Variants in FGGY observed in about 807,000 individuals in gnomAD.
FGGY encodes FGGY carbohydrate kinase domain containing.
FGGY carries 72 observed loss-of-function variants against 71.3 expected under a neutral mutation model. The observed-to-expected ratio is 1.01, with a 90% confidence interval of 0.84 to 1.23. The LOEUF (loss-of-function observed/expected upper bound fraction) is 1.23, where lower values mean the gene tolerates loss of function less well. FGGY is among the 50% of genes most tolerant of loss of function. The probability of loss-of-function intolerance (pLI) is 0.00; values close to 1 mark genes in which losing one functional copy is unlikely to be tolerated. For synonymous variants in FGGY, 251 were observed against 250.3 expected (o/e 1.00, Z -0.02); for missense variants, 668 against 682.3 (o/e 0.98, Z 0.23).
At chr1:59,693,764 T>G (rs890581685) in intron 14 of FGGY, among the ~76,000 whole-genome samples, 2 of 152,004 alleles carry the variant, frequency 1.3e-5, no homozygotes, top group African/African-American at 4.8e-5. Flanking sequence ...CCCAGCACTT[T>G]GAGAGGCTGA....
intron 8 of FGGY, among the ~76,000 whole-genome samples, chr1:59,586,267 C>G (rs1475394443): frequency 1.3e-5 from 2 of 152,260 alleles, no homozygotes; most frequent in East Asian, 3.9e-4. Flanking sequence ...AGCCAGATAT[C>G]CAACAATGAT....
rs114043049 is a variant in FGGY, at chr1:59,638,293, G to T, written c.1139G>T (p.Gly380Val). The T allele has an allele frequency of 6.2e-7, 1 of 1,614,062 alleles. No homozygotes were observed. The highest frequency in any genetic ancestry group is 1.3e-5 in the African/African-American group (1 of 74,918). ...LDLIKKAQPV[G>V]FLTVDLHVWP... ...CTGATTAAGAAGGCTCAGCCTGTGG[G>T]TTTCCTTACTGTTGATTTACATGTT... The change falls in exon 11 of 16, where the codon GGT becomes GTT. Residue 380 changes from glycine (G) to valine (V), a missense_variant. Coordinates refer to ENST00000303721, the MANE Select transcript of FGGY (RefSeq NM_018291.5).
chr1:59,719,364 C>G (rs1288500527), intron 14 of FGGY, among the ~76,000 whole-genome samples: 1 of 152,132 alleles, frequency 6.6e-6, no homozygotes, highest in Non-Finnish European at 1.5e-5. Flanking sequence ...CTGCCACTTG[C>G]TAGCCATGTC....
intron 14 of FGGY, among the ~76,000 whole-genome samples, chr1:59,744,048 G>A (rs544792819): frequency 3.6e-4 from 55 of 152,292 alleles, no homozygotes; most frequent in Middle Eastern, 3.4e-3. Flanking sequence ...GGAGATTGAT[G>A]TAATAATTTT....
At chr1:59,473,428 C>A (rs2093089472) in intron 6 of FGGY, among the ~76,000 whole-genome samples, 1 of 152,198 alleles carries the variant, frequency 6.6e-6, no homozygotes, top group Admixed American at 6.5e-5. Flanking sequence ...GTAACACTCA[C>A]CGTGAGGGTC....
At chr1:59,679,263 A>G (rs2097469564) in intron 14 of FGGY, among the ~76,000 whole-genome samples, 1 of 152,094 alleles carries the variant, frequency 6.6e-6, no homozygotes. Flanking sequence ...ATTTTTGTAT[A>G]TAACATGTCT....
intron 5 of FGGY, among the ~76,000 whole-genome samples, chr1:59,387,536 A>G (rs570976682): frequency 2.7e-4 from 41 of 152,234 alleles, no homozygotes; most frequent in Non-Finnish European, 4.1e-4. Flanking sequence ...TCAATTGCTA[A>G]TATTTGTATT....
intron 8 of FGGY, among the ~76,000 whole-genome samples, chr1:59,605,792 A>C (rs533273570): frequency 6.6e-6 from 1 of 152,264 alleles, no homozygotes; most frequent in East Asian, 1.9e-4. Context: ...GTCTGTCCCC[A>C]TGCTAAAATG....
chr1:59,727,694 C>T, intron 14 of FGGY, among the ~76,000 whole-genome samples: 1 of 152,262 alleles, frequency 6.6e-6, no homozygotes, highest in South Asian at 2.1e-4. Context: ...TTAGAAAAGC[C>T]TATTCTAAAG....
intron 14 of FGGY, among the ~76,000 whole-genome samples, chr1:59,676,779 A>G (rs1471958881): frequency 6.6e-6 from 1 of 152,056 alleles, no homozygotes; most frequent in East Asian, 1.9e-4. Context: ...GCCTGTCCTG[A>G]TCGTTTTCAG....
In FGGY at chr1:59,753,467, AATATATATATATATATATATATATAT is replaced by A. The variant is rs57074120; in HGVS notation, c.1513-4443_1513-4418del. ...GACTGTCTTTATAAGCATAACTTTAAATATATATATATATATATATATATATATATATATATATATATATATGGCAT... is the reference window on the plus strand; with the variant it reads ...GACTGTCTTTATAAGCATAACTTTAAATATATATATATATATATATGGCAT... On this transcript the variant is annotated intron_variant, in intron 14 of 15. Coordinates refer to ENST00000303721, the MANE Select transcript of FGGY (RefSeq NM_018291.5). 1.1e-3 allele frequency among the ~76,000 whole-genome samples: 53 copies of A among 47,852 alleles called. 1 individual carries two copies. Among genetic ancestry groups the A allele is most frequent in the East Asian group, 6.5e-3 (16 of 2,450 alleles). The allele number at this position is 47,852 out of a possible 152,430, so 31.4% of individuals were successfully genotyped here.
intron 7 of FGGY, among the ~76,000 whole-genome samples, chr1:59,516,593 G>A (rs928205465): frequency 1.3e-5 from 2 of 152,190 alleles, no homozygotes; most frequent in African/African-American, 2.4e-5. Flanking sequence ...GAGAGTGAGA[G>A]ACAACAGAAT....
chr1:59,727,921 T>C (rs1195512813), intron 14 of FGGY, among the ~76,000 whole-genome samples: 17 of 152,194 alleles, frequency 1.1e-4, no homozygotes, highest in Admixed American at 1.1e-3. Context: ...TGCATCCCTT[T>C]ACTTATAACC....
chr1:59,607,351 C>A (rs1265466958), intron 8 of FGGY, among the ~76,000 whole-genome samples: 1 of 152,184 alleles, frequency 6.6e-6, no homozygotes, highest in African/African-American at 2.4e-5. Flanking sequence ...CCTTTTGAGA[C>A]CTAGGCTTGG....
At chr1:59,507,775 C>G (rs1230436724) in intron 6 of FGGY, among the ~76,000 whole-genome samples, 1 of 143,410 alleles carries the variant, frequency 7.0e-6, no homozygotes, top group Non-Finnish European at 1.5e-5. Flanking sequence ...ACTTTGTGAT[C>G]TGCCTGCCTC....
chr1:59,392,288 G>A (rs964244468), intron 5 of FGGY, among the ~76,000 whole-genome samples: 1 of 152,182 alleles, frequency 6.6e-6, no homozygotes, highest in Non-Finnish European at 1.5e-5. Flanking sequence ...AGTCAATCTG[G>A]TTAAAGGTAT....
intron 6 of FGGY, among the ~76,000 whole-genome samples, chr1:59,471,674 A>G (rs1265149644): frequency 1.3e-5 from 2 of 152,156 alleles, no homozygotes; most frequent in African/African-American, 4.8e-5. Context: ...CATCCAGCCA[A>G]CCACACTCCC....
chr1:59,603,776 G>T (rs575650594), intron 8 of FGGY, among the ~76,000 whole-genome samples: 1 of 152,260 alleles, frequency 6.6e-6, no homozygotes, highest in Non-Finnish European at 1.5e-5. Context: ...TGTCATCAAG[G>T]CCAGAAGGTT....
chr1:59,652,803 C>T (rs536516577), intron 11 of FGGY, among the ~76,000 whole-genome samples: 12 of 152,302 alleles, frequency 7.9e-5, no homozygotes, highest in East Asian at 5.8e-4. Flanking sequence ...TGAGGAACTG[C>T]GTTCCTTTGG....
Sources: allele counts gnomAD v4.1 joint callset (sites outside exome capture counted in the v4.1 genomes callset), GRCh38; gene constraint gnomAD v4.1.1; transcripts MANE v1.5; gene names NCBI Gene and HGNC (gene_info 2026-07-23, HGNC 2026-07-21).